The following MED24 variants were observed in gnomAD, a reference collection of about 807,000 sequenced individuals.
MED24 encodes the protein mediator of RNA polymerase II transcription subunit 24.
MED24 carries 74 observed loss-of-function variants against 118.8 expected under a neutral mutation model. The ratio of observed to expected loss-of-function variants is 0.62; its 90% CI spans 0.52 to 0.76. The LOEUF (loss-of-function observed/expected upper bound fraction) is 0.76. Among genes scored for constraint, MED24 ranks in the 30% least tolerant of loss-of-function variants. MED24 has a pLI of 0.00. For missense variants in MED24, 1,041 were observed against 1,278.9 expected (o/e 0.81, Z 2.84); for synonymous variants, 521 against 523.9 (o/e 0.99, Z 0.08).
intron 3 of MED24, among the ~76,000 whole-genome samples, chr17:40,045,593 T>G (rs897563195): frequency 2.6e-5 from 4 of 152,168 alleles, no homozygotes; most frequent in African/African-American, 9.7e-5. Flanking sequence ...AAGATGAGCC[T>G]GAGCAACATG....
chr17:40,032,797 T>C (rs1368042908), intron 8 of MED24, 35 bp from the exon 9 acceptor site: 1 of 1,568,958 alleles, frequency 6.4e-7, no homozygotes, highest in Non-Finnish European at 8.8e-7. Flanking sequence ...CCTAAGAGGG[T>C]GCCCATACCC....
At chr17:40,035,873 A>G in intron 4 of MED24, 78 bp from the exon 5 acceptor site, 1 of 1,400,588 alleles carries the variant, frequency 7.1e-7, no homozygotes, top group Non-Finnish European at 1.0e-6. Flanking sequence ...CGGTGCATTC[A>G]GGACTCCTGC....
intron 25 of MED24, 65 bp from the exon 26 acceptor site, chr17:40,019,710 A>G: frequency 6.3e-7 from 1 of 1,586,028 alleles, no homozygotes; most frequent in Non-Finnish European, 8.6e-7. Context: ...CCCAGGGGGA[A>G]GGAGGCCCCT....
intron 3 of MED24, among the ~76,000 whole-genome samples, chr17:40,045,139 C>T (rs1985021127): frequency 6.6e-6 from 1 of 151,982 alleles, no homozygotes; most frequent in East Asian, 1.9e-4. Flanking sequence ...AAATTACAAA[C>T]AACCTAAATT....
At chr17:40,035,910 A>C in intron 4 of MED24, 115 bp from the exon 5 acceptor site, 1 of 1,156,928 alleles carries the variant, frequency 8.6e-7, no homozygotes, top group Non-Finnish European at 1.3e-6. Flanking sequence ...CCTGGGTTCC[A>C]GACTCAGCAT....
intron 3 of MED24, among the ~76,000 whole-genome samples, chr17:40,052,179 G>A (rs1985924533): frequency 6.6e-6 from 1 of 151,984 alleles, no homozygotes; most frequent in South Asian, 2.1e-4. Context: ...TGTAGTCCCA[G>A]CTACTCGGGA....
In MED24 at chr17:40,043,890, C is replaced by CAAAAAAAAAAAAAAAAAAAAAAAA. The variant is rs35743512; in HGVS notation, c.214-7737_214-7736insTTTTTTTTTTTTTTTTTTTTTTTT. Among the ~76,000 whole-genome samples, 558 of 97,328 alleles carry CAAAAAAAAAAAAAAAAAAAAAAAA rather than the reference C, an allele frequency of 5.7e-3. 41 individuals carry two copies. The highest frequency in any genetic ancestry group is 6.7e-3 in the African/African-American group (181 of 27,100). The allele number at this position is 97,328 out of a possible 152,430, so 63.9% of individuals were successfully genotyped here. ...TGGGCAGAAGAGCGAGACTCCATCT[C>CAAAAAAAAAAAAAAAAAAAAAAAA]AAAAAAAAAAAAAACAAAGATTTAA... is the stretch of plus-strand genomic sequence containing the variant. On this transcript the variant is annotated intron_variant, in intron 3 of 25. Coordinates refer to ENST00000394128, the MANE Select transcript of MED24 (RefSeq NM_014815.4).
At chr17:40,044,878 CAA>C (rs5820328) in intron 3 of MED24, among the ~76,000 whole-genome samples, 58 of 113,686 alleles carry the variant, frequency 5.1e-4, no homozygotes, top group Middle Eastern at 4.3e-3. Flanking sequence ...GACTCCATCT[CAA>C]AAAAAAAAAA....
chr17:40,031,431 G>A (rs1282260141), intron 11 of MED24, 107 bp downstream of exon 11: 2 of 1,312,938 alleles, frequency 1.5e-6, no homozygotes, highest in Non-Finnish European at 2.2e-6. Flanking sequence ...CCTGCCAAGG[G>A]GAGTGAACAA....
In MED24 at chr17:40,027,014, G is replaced by A. The variant is rs1490295037; in HGVS notation, c.1551C>T (p.Arg517=). ...YGSEVILSES[R]TGAEVPFFET... Reference sequence around the variant, plus strand: ...CGAAGAAGGGCACCTCAGCTCCTGTGCGCGACTCGGACAGAATCACCTGGG... The same window carrying A: ...CGAAGAAGGGCACCTCAGCTCCTGTACGCGACTCGGACAGAATCACCTGGG... The change falls in exon 17 of 26, where the codon CGC becomes CGT. Residue 517 remains arginine (R), a synonymous_variant. Coordinates refer to ENST00000394128, the MANE Select transcript of MED24 (RefSeq NM_014815.4). The A allele has an allele frequency of 1.1e-5, 17 of 1,614,120 alleles. No individual in the cohort carries two copies. The highest frequency in any genetic ancestry group is 1.4e-5 in the Non-Finnish European group (17 of 1,180,010).
chr17:40,053,441 C>T, intron 2 of MED24, 28 bp downstream of exon 2: 1 of 1,613,880 alleles, frequency 6.2e-7, no homozygotes, highest in Non-Finnish European at 8.5e-7. Context: ...TTATCCCTCC[C>T]ATCTTTCTTT....
At chr17:40,041,163 G>A (rs1210631867) in intron 3 of MED24, among the ~76,000 whole-genome samples, 2 of 152,116 alleles carry the variant, frequency 1.3e-5, no homozygotes, top group African/African-American at 2.4e-5. Context: ...TAAGGTCATT[G>A]ACAAACTCTT....
At chr17:40,045,480 A>G (rs1985066769) in intron 3 of MED24, among the ~76,000 whole-genome samples, 1 of 148,286 alleles carries the variant, frequency 6.7e-6, no homozygotes, top group Non-Finnish European at 1.5e-5. Context: ...AAAAGTACAT[A>G]TGGAATATTA....
intron 23 of MED24, among the ~76,000 whole-genome samples, chr17:40,021,630 C>T (rs898698889): frequency 6.6e-6 from 1 of 152,182 alleles, no homozygotes; most frequent in East Asian, 1.9e-4. Context: ...ACAGGCTGTG[C>T]CTGAGGCAGT....
At chr17:40,048,392 C>T (rs1466535838) in intron 3 of MED24, among the ~76,000 whole-genome samples, 1 of 152,118 alleles carries the variant, frequency 6.6e-6, no homozygotes, top group Non-Finnish European at 1.5e-5. Flanking sequence ...CTGGAAGCTC[C>T]ATAACATGTG....
At position 40,026,725 on chromosome 17, in the gene MED24, G is replaced by A. The variant is rs780418870; in HGVS notation, c.1731C>T (p.Ala577=). The A allele has an allele frequency of 6.2e-7, 1 of 1,612,446 alleles. No homozygotes were observed. The highest frequency in any genetic ancestry group is 2.2e-5 in the East Asian group (1 of 44,858). Residue 577 remains alanine (A), a synonymous_variant, in exon 18 of 26, where the codon GCC becomes GCT. Coordinates refer to ENST00000394128, the MANE Select transcript of MED24 (RefSeq NM_014815.4). ...MKLVQMKWHE[A]CLSISAAILE... The stretch of plus-strand genomic sequence containing the variant: ...AGATGGCGGCTGAGATGCTGAGACA[G>A]GCCTCATGCCACTTCATCTGCCTGC...
intron 9 of MED24, chr17:40,032,444 G>A (rs1289288791): frequency 3.5e-6 from 2 of 579,428 alleles, no homozygotes; most frequent in Admixed American, 6.2e-5. Context: ...GCACCTCTGT[G>A]GTAAGAAACA....
intron 4 of MED24, 134 bp downstream of exon 4, chr17:40,035,982 G>T: frequency 8.5e-7 from 1 of 1,171,436 alleles, no homozygotes; most frequent in Non-Finnish European, 1.3e-6. Flanking sequence ...CCCCTCCCAT[G>T]GAAGTCCAGC....
intron 3 of MED24, among the ~76,000 whole-genome samples, chr17:40,050,269 T>G (rs1985697551): frequency 6.7e-6 from 1 of 150,330 alleles, no homozygotes; most frequent in South Asian, 2.1e-4. Context: ...GCCAACACAG[T>G]AAAACCCCGT....
Sources: allele counts gnomAD v4.1 joint callset (sites outside exome capture counted in the v4.1 genomes callset), GRCh38; gene constraint gnomAD v4.1.1; transcripts MANE v1.5; gene names NCBI Gene and HGNC (gene_info 2026-07-23, HGNC 2026-07-21).